Variants in DPP10 observed in about 807,000 individuals in gnomAD.
DPP10 encodes the protein inactive dipeptidyl peptidase 10.
DPP10 carries 33 observed loss-of-function variants against 120.9 expected under a neutral mutation model. The ratio of observed to expected loss-of-function variants is 0.27; its 90% confidence interval spans 0.21 to 0.37. The LOEUF is 0.37. Among genes scored for constraint, DPP10 ranks in the 10% least tolerant of loss-of-function variants. The pLI is 1.00. For missense variants in DPP10, 816 were observed against 942.8 expected, an observed-to-expected ratio of 0.87 and a Z score of 1.76; for synonymous variants, 337 against 326.1, an observed-to-expected ratio of 1.03 and a Z score of -0.36.
chr2:114,747,456 G>A (rs188745725), intron 1 of DPP10, among the ~76,000 whole-genome samples: 1 of 152,176 alleles, frequency 6.6e-6, no homozygotes, highest in East Asian at 1.9e-4. Context: ...TCACTTAGCT[G>A]CATTCAACTG....
intron 11 of DPP10, among the ~76,000 whole-genome samples, chr2:115,759,720 C>CAT (rs139157941): frequency 0.97 from 147,367 of 152,194 alleles, 71,546 homozygotes; most frequent in East Asian, 1. Flanking sequence ...TATATAAAAA[C>CAT]ACATTATAGG....
intron 3 of DPP10, among the ~76,000 whole-genome samples, chr2:115,347,668 T>C (rs566381077): frequency 6.6e-6 from 1 of 152,002 alleles, no homozygotes; most frequent in African/African-American, 2.4e-5. Flanking sequence ...GTGTGTGATA[T>C]TCCCCTCCCT....
chr2:115,687,624 A>C (rs1252276848), intron 5 of DPP10, among the ~76,000 whole-genome samples: 1 of 129,928 alleles, frequency 7.7e-6, no homozygotes. Flanking sequence ...ACCTCAACAC[A>C]CTTACTGCAA....
At chr2:114,462,384 G>A (rs1316164177) in intron 1 of DPP10, among the ~76,000 whole-genome samples, 1 of 152,044 alleles carries the variant, frequency 6.6e-6, no homozygotes, top group Non-Finnish European at 1.5e-5. Flanking sequence ...TCTAACACAT[G>A]ACATTTAGTC....
At chr2:114,870,225 A>G (rs566120531) in intron 1 of DPP10, among the ~76,000 whole-genome samples, 179 of 152,326 alleles carry the variant, frequency 1.2e-3, no homozygotes, top group Admixed American at 5.2e-3. Context: ...GACCTTGGAC[A>G]AACTTCTCAA....
chr2:115,749,433 C>T (rs777563418), intron 10 of DPP10, among the ~76,000 whole-genome samples: 6 of 152,032 alleles, frequency 3.9e-5, no homozygotes, highest in Admixed American at 6.6e-5. Context: ...TTTTGTGACC[C>T]ATTGTTCTCA....
At chr2:114,632,243 T>C (rs777418129) in intron 1 of DPP10, among the ~76,000 whole-genome samples, 80 of 152,194 alleles carry the variant, frequency 5.3e-4, no homozygotes, top group Non-Finnish European at 9.0e-4. Flanking sequence ...AGTTTTTCCT[T>C]TGTAGTTCAT....
At chr2:114,726,968 T>A (rs1281048232) in intron 1 of DPP10, among the ~76,000 whole-genome samples, 1 of 152,248 alleles carries the variant, frequency 6.6e-6, no homozygotes, top group Non-Finnish European at 1.5e-5. Context: ...AGGACATTTC[T>A]CAGAGAGAGG....
rs1558918248 is a variant in DPP10 at position 114,597,027 on chromosome 2, C to T, written c.60+154189C>T. Among the ~76,000 whole-genome samples the T allele has an allele frequency of 2.0e-5, 3 of 152,096 alleles. No individual in the cohort carries two copies. The South Asian group carries it at 6.2e-4, about 32-fold the overall frequency. Reference sequence around the variant, plus strand: ...GTCAGAAAGATGAACAGATGAATGTCCTACAGGGCAGTACAGGTATAATAA... The same window carrying T: ...GTCAGAAAGATGAACAGATGAATGTTCTACAGGGCAGTACAGGTATAATAA... On this transcript the variant is annotated intron_variant, in intron 1 of 25. Coordinates refer to ENST00000410059, the MANE Select transcript of DPP10 (RefSeq NM_020868.6).
At chr2:114,543,339 T>G (rs375115018) in intron 1 of DPP10, among the ~76,000 whole-genome samples, 9 of 152,182 alleles carry the variant, frequency 5.9e-5, no homozygotes, top group African/African-American at 1.9e-4. Context: ...AGGGGCTAAT[T>G]TCCAACATTG....
intron 5 of DPP10, among the ~76,000 whole-genome samples, chr2:115,662,388 A>C (rs1309519908): frequency 6.6e-6 from 1 of 151,950 alleles, no homozygotes; most frequent in South Asian, 2.1e-4. Context: ...GCCAAGAATC[A>C]AGGTTGTTGT....
rs200572167 is a variant in DPP10, at chr2:115,262,112, G to GA, written c.61-47118dup. ...TGTTTTTAACACAGTGAAGTAATTTGAAAAAAAAATCTGATAATGTATCTC... is the reference window on the plus strand; with the variant it reads ...TGTTTTTAACACAGTGAAGTAATTTGAAAAAAAAAATCTGATAATGTATCTC... On this transcript the variant is annotated intron_variant, in intron 1 of 25. Coordinates refer to ENST00000410059, the MANE Select transcript of DPP10 (RefSeq NM_020868.6). 1.8e-3 allele frequency among the ~76,000 whole-genome samples: 265 copies of GA among 149,910 alleles called. 2 individuals carry two copies. Among genetic ancestry groups the GA allele is most frequent in the African/African-American group, 5.2e-3 (211 of 40,968 alleles).
intron 1 of DPP10, among the ~76,000 whole-genome samples, chr2:115,177,964 T>C (rs2053817275): frequency 6.6e-6 from 1 of 152,028 alleles, no homozygotes; most frequent in Non-Finnish European, 1.5e-5. Flanking sequence ...GGGGATTCAC[T>C]GTGTTAGCCA....
intron 3 of DPP10, among the ~76,000 whole-genome samples, chr2:115,492,718 GT>G: frequency 6.6e-6 from 1 of 152,028 alleles, no homozygotes. Context: ...GGTATAGATC[GT>G]TTCAATTCTC....
chr2:114,473,259 G>A (rs1412552630), intron 1 of DPP10, among the ~76,000 whole-genome samples: 1 of 152,128 alleles, frequency 6.6e-6, no homozygotes, highest in Non-Finnish European at 1.5e-5. Context: ...TGAGGTGTAT[G>A]GTAGCCATTG....
chr2:115,430,520 C>G (rs1258125499), intron 3 of DPP10, among the ~76,000 whole-genome samples: 1 of 151,990 alleles, frequency 6.6e-6, no homozygotes, highest in Non-Finnish European at 1.5e-5. Context: ...CTTTGTCCGT[C>G]AAAGTATTCA....
chr2:114,975,725 G>A (rs2036781), intron 1 of DPP10, among the ~76,000 whole-genome samples: 20,509 of 151,938 alleles, frequency 0.13, 1,508 homozygotes, highest in Non-Finnish European at 0.15. Flanking sequence ...ATCTCAGTGC[G>A]CTGCAACTTC....
chr2:114,610,053 C>T (rs1221893587), intron 1 of DPP10, among the ~76,000 whole-genome samples: 2 of 152,150 alleles, frequency 1.3e-5, no homozygotes, highest in African/African-American at 2.4e-5. Context: ...TTGCCTCGTG[C>T]CAGAGACTGC....
At chr2:114,587,368 T>C (rs1048707538) in intron 1 of DPP10, among the ~76,000 whole-genome samples, 9 of 151,514 alleles carry the variant, frequency 5.9e-5, no homozygotes, top group Non-Finnish European at 1.2e-4. Context: ...CAGCCTCAGT[T>C]ATTCCTTTAT....
Sources: allele counts gnomAD v4.1 joint callset (sites outside exome capture counted in the v4.1 genomes callset), GRCh38; gene constraint gnomAD v4.1.1; transcripts MANE v1.5; gene names NCBI Gene and HGNC (gene_info 2026-07-23, HGNC 2026-07-21).